The following MAP4 variants were observed in gnomAD, a reference collection of about 807,000 sequenced individuals.
The protein encoded by MAP4 is microtubule-associated protein 4.
Under a neutral mutation model 170.2 loss-of-function variants are expected in MAP4, and 76 were observed. The observed-to-expected ratio is 0.45, with a 90% CI of 0.37 to 0.54. The LOEUF is 0.54. Among genes scored for constraint, MAP4 ranks in the 20% least tolerant of loss-of-function variants. The pLI is 0.00. For synonymous variants in MAP4, 909 were observed against 994.5 expected (o/e 0.91, Z 1.62); for missense variants, 2,506 against 2,748.0 (o/e 0.91, Z 1.97).
At chr3:47,946,654 CAAAAAAAAAAAAAAA>C (rs11427271) in intron 3 of MAP4, among the ~76,000 whole-genome samples, 1 of 40,814 alleles carries the variant, frequency 2.5e-5, no homozygotes, top group African/African-American at 9.4e-5. Context: ...AACTCCGTCT[CAAAAAAAAAAAAAAA>C]AAAAAAAAAA....
chr3:47,887,264 C>T (rs547399597), intron 10 of MAP4, among the ~76,000 whole-genome samples: 10 of 152,336 alleles, frequency 6.6e-5, no homozygotes, highest in African/African-American at 2.2e-4. Context: ...GCTGGAGTTC[C>T]GGGTGGGCGT....
At chr3:47,955,480 A>G (rs887069699) in intron 3 of MAP4, among the ~76,000 whole-genome samples, 1 of 140,988 alleles carries the variant, frequency 7.1e-6, no homozygotes, top group African/African-American at 2.6e-5. Flanking sequence ...ACACACACAC[A>G]CTAGTCAACT....
At chr3:48,055,318 G>C (rs2100130422) in intron 1 of MAP4, among the ~76,000 whole-genome samples, 1 of 152,150 alleles carries the variant, frequency 6.6e-6, no homozygotes, top group African/African-American at 2.4e-5. Flanking sequence ...CTCCCTGCCT[G>C]ATTCTCCTGC....
chr3:48,086,319 T>A (rs1468557145), intron 1 of MAP4, among the ~76,000 whole-genome samples: 1 of 152,066 alleles, frequency 6.6e-6, no homozygotes, highest in African/African-American at 2.4e-5. Flanking sequence ...CGAGACTCCA[T>A]CTTAAAAAAT....
At chr3:48,000,069 G>T (rs138327706) in intron 1 of MAP4, among the ~76,000 whole-genome samples, 8 of 151,728 alleles carry the variant, frequency 5.3e-5, no homozygotes, top group South Asian at 2.1e-4. Flanking sequence ...GCAAAAATTA[G>T]CAAGGCATGG....
intron 2 of MAP4, among the ~76,000 whole-genome samples, chr3:47,984,681 A>T (rs991064116): frequency 6.6e-6 from 1 of 151,948 alleles, no homozygotes; most frequent in Non-Finnish European, 1.5e-5. Flanking sequence ...AAAAAAAAAA[A>T]ATACACAAAT....
rs149528855 is a variant in MAP4, at chr3:47,916,195, C to T, written c.1632G>A (p.Leu544=). The part of the protein sequence containing the change: ...VCLPPEMEVA[L]TEDQVPALKT... ...TGAGGGCTGGGACCTGATCCTCAGT[C>T]AGGGCCACCTCCATTTCTGGAGGCA... Residue 544 remains leucine, a synonymous_variant, in exon 7 of 21, where the codon CTG becomes CTA. Coordinates refer to ENST00000683076, the MANE Select transcript of MAP4 (RefSeq NM_001385682.1). 1 of 1,614,214 alleles carries T rather than the reference C, an allele frequency of 6.2e-7. No homozygotes were observed. Among genetic ancestry groups the T allele is most frequent in the Non-Finnish European group, 8.5e-7 (1 of 1,180,032 alleles).
At chr3:47,983,908 C>T (rs1286768183) in intron 2 of MAP4, among the ~76,000 whole-genome samples, 3 of 152,194 alleles carry the variant, frequency 2.0e-5, no homozygotes, top group African/African-American at 7.2e-5. Flanking sequence ...TTTCAGTTGA[C>T]TCCTGTGTCC....
intron 1 of MAP4, among the ~76,000 whole-genome samples, chr3:48,063,434 T>C (rs1056163612): frequency 3.3e-5 from 5 of 151,554 alleles, no homozygotes; most frequent in Admixed American, 3.3e-4. Context: ...TATACCCAGT[T>C]TGGGAGGTTC....
intron 1 of MAP4, among the ~76,000 whole-genome samples, chr3:48,032,596 C>CAGGG (rs1285540482): frequency 6.6e-6 from 1 of 151,788 alleles, no homozygotes; most frequent in Non-Finnish European, 1.5e-5. Flanking sequence ...ACCCAGGAGA[C>CAGGG]AGAGGTTGCA....
chr3:47,896,311 C>G (rs950861707), intron 10 of MAP4, among the ~76,000 whole-genome samples: 9 of 152,146 alleles, frequency 5.9e-5, no homozygotes, highest in African/African-American at 1.9e-4. Flanking sequence ...GGGAGGATCA[C>G]CTGAGGTTGG....
At chr3:47,885,759 C>T (rs1329136485) in intron 10 of MAP4, among the ~76,000 whole-genome samples, 3 of 147,424 alleles carry the variant, frequency 2.0e-5, no homozygotes, top group Admixed American at 1.4e-4. Context: ...GACGGAATCT[C>T]GCTCTGTCAC....
intron 10 of MAP4, among the ~76,000 whole-genome samples, chr3:47,897,615 G>A (rs866254809): frequency 6.6e-6 from 1 of 152,126 alleles, no homozygotes. Context: ...AATGCACTTG[G>A]TTTCGGTGTT....
rs899969552 is a variant in MAP4 at position 47,891,377 on chromosome 3, C to T, written c.5434+11573G>A. ...TTTAGTAGACAAGATGGGCAGTTTC[C>T]CAGGGCTCAATTTGTAGCTAGCTGT... On this transcript the variant is annotated intron_variant, in intron 10 of 20. Transcript: ENST00000683076. 24 of 1,535,864 alleles carry T rather than the reference C, an allele frequency of 1.6e-5. No individual in the cohort carries two copies. The African/African-American group carries it at 3.2e-4, about 20-fold the overall frequency.
At chr3:47,883,908 CTTTT>C (rs564660824) in intron 10 of MAP4, among the ~76,000 whole-genome samples, 1 of 151,822 alleles carries the variant, frequency 6.6e-6, no homozygotes, top group South Asian at 2.1e-4. Flanking sequence ...TATCTCTTTG[CTTTT>C]TTTACAGATT....
chr3:48,056,119 G>GA (rs1579630733), intron 1 of MAP4, among the ~76,000 whole-genome samples: 1 of 144,802 alleles, frequency 6.9e-6, no homozygotes, highest in African/African-American at 2.5e-5. Flanking sequence ...AGGTGGGGGG[G>GA]GGTCAGCCCC....
intron 1 of MAP4, among the ~76,000 whole-genome samples, chr3:48,070,686 T>A (rs558801811): frequency 8.0e-4 from 121 of 151,542 alleles, no homozygotes; most frequent in Non-Finnish European, 1.5e-3. Flanking sequence ...TTTAAAAAAA[T>A]TTTTAGTATT....
chr3:48,068,234 C>T (rs1483183492), intron 1 of MAP4, among the ~76,000 whole-genome samples: 2 of 122,896 alleles, frequency 1.6e-5, no homozygotes, highest in Admixed American at 1.0e-4. Context: ...CACTGCACTC[C>T]AACCTGGGTA....
intron 17 of MAP4, among the ~76,000 whole-genome samples, chr3:47,865,197 C>T (rs1183488712): frequency 6.6e-6 from 1 of 152,194 alleles, no homozygotes; most frequent in Non-Finnish European, 1.5e-5. Context: ...GCAGGTGATA[C>T]ATTAATGATG....
Sources: gnomAD v4.1 joint callset for allele counts (sites outside exome capture counted in the v4.1 genomes callset) on GRCh38, gnomAD v4.1.1 for gene constraint, MANE v1.5 for transcripts, NCBI Gene and HGNC (gene_info 2026-07-23, HGNC 2026-07-21) for gene names.